Variants in SIL1 observed in about 807,000 individuals in gnomAD.
The protein encoded by SIL1 is SIL1 nucleotide exchange factor.
In SIL1, 40 loss-of-function variants were observed where a neutral mutation model predicts 49.1. That is an observed-to-expected ratio of 0.81 (90% confidence interval 0.63 to 1.06). The LOEUF (loss-of-function observed/expected upper bound fraction) is 1.06. Among genes scored for constraint, SIL1 ranks in the 50% least tolerant of loss-of-function variants. SIL1 has a pLI of 0.00. For synonymous variants in SIL1, 253 were observed against 250.8 expected, an observed-to-expected ratio of 1.01 and a Z score of -0.08; for missense variants, 500 against 572.6, an observed-to-expected ratio of 0.87 and a Z score of 1.29.
intron 1 of SIL1, among the ~76,000 whole-genome samples, chr5:139,178,500 G>C (rs896614909): frequency 6.6e-6 from 1 of 151,928 alleles, no homozygotes. Context: ...CTCACTCTCT[G>C]TGCTCCAACC....
chr5:139,071,779 G>A (rs1260811941), intron 3 of SIL1, among the ~76,000 whole-genome samples: 2 of 149,996 alleles, frequency 1.3e-5, no homozygotes, highest in African/African-American at 4.9e-5. Flanking sequence ...GCGATTCTCT[G>A]CCTCAGCCTC....
intron 4 of SIL1, among the ~76,000 whole-genome samples, chr5:139,049,541 C>A (rs1344723822): frequency 5.9e-5 from 9 of 152,236 alleles, no homozygotes; most frequent in African/African-American, 2.2e-4. Flanking sequence ...GTTATCCCAG[C>A]ACTTTGGGAG....
chr5:139,098,730 C>T (rs1581098407), intron 3 of SIL1, among the ~76,000 whole-genome samples: 1 of 151,236 alleles, frequency 6.6e-6, no homozygotes, highest in Middle Eastern at 3.4e-3. Context: ...ATCTAAGAAG[C>T]TCAAACAACT....
chr5:139,099,630 C>A (rs750092662), intron 3 of SIL1, among the ~76,000 whole-genome samples: 12 of 152,012 alleles, frequency 7.9e-5, no homozygotes, highest in Non-Finnish European at 1.6e-4. Flanking sequence ...TCATTTGCAA[C>A]AACATGGATG....
chr5:139,041,289 G>A (rs1264541741), intron 5 of SIL1, among the ~76,000 whole-genome samples: 2 of 152,230 alleles, frequency 1.3e-5, no homozygotes, highest in Non-Finnish European at 2.9e-5. Context: ...ACTTTGGTAA[G>A]ATGAGTAAAG....
chr5:139,113,134 C>A (rs1243723866), intron 3 of SIL1, among the ~76,000 whole-genome samples: 1 of 151,888 alleles, frequency 6.6e-6, no homozygotes, highest in Non-Finnish European at 1.5e-5. Context: ...TCCCTAATCT[C>A]AAGTACCCAG....
At chr5:139,142,541 ACATGAT>A (rs1290104300) in intron 1 of SIL1, among the ~76,000 whole-genome samples, 3 of 152,230 alleles carry the variant, frequency 2.0e-5, no homozygotes, top group Admixed American at 2.0e-4. Flanking sequence ...GAAAAAAACC[ACATGAT>A]CATTTCAATG....
At position 139,176,329 on chromosome 5, in the gene SIL1, C is replaced by T. The variant is rs940749545; in HGVS notation, c.-11+21940G>A. Among the ~76,000 whole-genome samples the T allele has an allele frequency of 2.6e-5, 4 of 152,164 alleles. No individual in the cohort carries two copies. In the South Asian group the frequency reaches 8.3e-4, roughly 32 times the overall value. On this transcript the variant is annotated intron_variant, in intron 1 of 9. Coordinates refer to ENST00000394817, the MANE Select transcript of SIL1 (RefSeq NM_022464.5). ...GAAAACGGAGGCTTTCTCTACAGCT[C>T]TCTTCTGAACCTTCGTCGGAATTAC...
intron 3 of SIL1, among the ~76,000 whole-genome samples, chr5:139,081,292 T>C (rs566419748): frequency 3.3e-5 from 5 of 152,336 alleles, no homozygotes; most frequent in Non-Finnish European, 5.9e-5. Flanking sequence ...TCTCACTCTG[T>C]AGCCCAGGCT....
intron 5 of SIL1, chr5:139,035,426 T>G: frequency 3.7e-6 from 2 of 541,008 alleles, no homozygotes; most frequent in Non-Finnish European, 3.6e-6. Context: ...CAGAAGGCAC[T>G]GCCTCAATCA....
At chr5:139,048,663 C>G (rs915240164) in intron 4 of SIL1, among the ~76,000 whole-genome samples, 2 of 152,172 alleles carry the variant, frequency 1.3e-5, no homozygotes, top group Admixed American at 1.3e-4. Context: ...AACCACTGTA[C>G]CCGGCCCCTA....
At chr5:138,960,327 A>G (rs766569702) in intron 7 of SIL1, among the ~76,000 whole-genome samples, 5 of 151,800 alleles carry the variant, frequency 3.3e-5, no homozygotes, top group Admixed American at 6.6e-5. Context: ...CACTACAGTG[A>G]AGGCTCTGTT....
chr5:139,126,463 G>A (rs1049952138), intron 2 of SIL1, among the ~76,000 whole-genome samples: 1 of 152,198 alleles, frequency 6.6e-6, no homozygotes, highest in Non-Finnish European at 1.5e-5. Flanking sequence ...TCCTCATGAG[G>A]TACAAGTTGG....
chr5:139,103,194 C>G (rs1173465981), intron 3 of SIL1, among the ~76,000 whole-genome samples: 1 of 152,202 alleles, frequency 6.6e-6, no homozygotes, highest in Non-Finnish European at 1.5e-5. Flanking sequence ...CAAGGTACCG[C>G]TCCACCCTAT....
chr5:138,971,654 C>T (rs112244209), intron 7 of SIL1, among the ~76,000 whole-genome samples: 13 of 152,208 alleles, frequency 8.5e-5, no homozygotes, highest in African/African-American at 2.4e-4. Flanking sequence ...GCTCCCCATT[C>T]ACACCAATGG....
intron 1 of SIL1, among the ~76,000 whole-genome samples, chr5:139,151,491 G>A (rs1751300300): frequency 6.6e-6 from 1 of 152,186 alleles, no homozygotes; most frequent in Non-Finnish European, 1.5e-5. Context: ...CAGCATACAT[G>A]CAAACAAAAA....
At chr5:138,951,090 GTCTCTTCCATC>G in intron 9 of SIL1, 70 bp downstream of exon 9, 1 of 1,491,028 alleles carries the variant, frequency 6.7e-7, no homozygotes, top group Non-Finnish European at 9.2e-7. Context: ...GACGTCCGCA[GTCTCTTCCATC>G]TGTCTGTCCA....
At chr5:139,048,359 TTTG>T (rs1269050472) in intron 4 of SIL1, among the ~76,000 whole-genome samples, 2 of 149,764 alleles carry the variant, frequency 1.3e-5, no homozygotes, top group East Asian at 1.9e-4. Context: ...TTTGCTTTTT[TTTG>T]TTGTTGGTTT....
At chr5:138,994,080 G>A (rs952044661) in intron 7 of SIL1, among the ~76,000 whole-genome samples, 2 of 151,922 alleles carry the variant, frequency 1.3e-5, no homozygotes, top group South Asian at 2.1e-4. Flanking sequence ...TAAAATATTA[G>A]AATCATTCCC....
Sources: allele counts gnomAD v4.1 joint callset (sites outside exome capture counted in the v4.1 genomes callset), GRCh38; gene constraint gnomAD v4.1.1; transcripts MANE v1.5; gene names NCBI Gene and HGNC (gene_info 2026-07-23, HGNC 2026-07-21).